Variants in SLC7A6 observed in about 807,000 individuals in gnomAD.
The protein encoded by SLC7A6 is Y+L amino acid transporter 2.
In SLC7A6, 29 loss-of-function variants were observed where a neutral mutation model predicts 46.6. The observed-to-expected ratio is 0.62, with a 90% CI of 0.46 to 0.85. SLC7A6 has a LOEUF of 0.85. Among genes scored for constraint, SLC7A6 ranks in the 40% least tolerant of loss-of-function variants. The pLI is 0.00. For synonymous variants in SLC7A6, 276 were observed against 257.3 expected (o/e 1.07, Z -0.70); for missense variants, 527 against 647.6 (o/e 0.81, Z 2.02).
intron 2 of SLC7A6, chr16:68,273,705 T>C (rs928954708): frequency 3.3e-5 from 5 of 151,880 alleles, no homozygotes; most frequent in Non-Finnish European, 5.9e-5. Flanking sequence ...AAAAGAAAGA[T>C]GTGGAATGGG....
At chr16:68,290,615 CCTT>C in intron 5 of SLC7A6, 75 bp downstream of exon 5, 1 of 1,537,520 alleles carries the variant, frequency 6.5e-7, no homozygotes, top group Non-Finnish European at 9.0e-7. Flanking sequence ...CTGCCCTCAT[CCTT>C]CTCCTCCTCC....
At chr16:68,287,215 T>C (rs1214183903) in intron 3 of SLC7A6, 2 of 773,004 alleles carry the variant, frequency 2.6e-6, no homozygotes, top group Admixed American at 3.1e-5. Flanking sequence ...TGGGCTCACA[T>C]GATCCATCTG....
intron 2 of SLC7A6, among the ~76,000 whole-genome samples, chr16:68,271,845 A>G (rs955319848): frequency 6.6e-6 from 1 of 151,768 alleles, no homozygotes; most frequent in African/African-American, 2.4e-5. Context: ...CTCTGTCACC[A>G]GACTGGAGTG....
chr16:68,267,080 G>A (rs962734906), intron 2 of SLC7A6, among the ~76,000 whole-genome samples: 4 of 151,806 alleles, frequency 2.6e-5, no homozygotes, highest in East Asian at 3.9e-4. Flanking sequence ...GATTACAGGC[G>A]CCCGCCACCA....
chr16:68,290,287 C>T (rs2151228342), intron 4 of SLC7A6, 109 bp from the exon 5 acceptor site: 9 of 1,153,990 alleles, frequency 7.8e-6, no homozygotes, highest in South Asian at 3.7e-5. Flanking sequence ...TTCCCTTCCT[C>T]TTTCCTATTC....
At chr16:68,278,450 G>T (rs1191197005) in intron 3 of SLC7A6, among the ~76,000 whole-genome samples, 5 of 150,670 alleles carry the variant, frequency 3.3e-5, no homozygotes, top group Admixed American at 6.6e-5. Flanking sequence ...GGACCCTGCG[G>T]CCTTTTTTTT....
intron 2 of SLC7A6, among the ~76,000 whole-genome samples, chr16:68,269,016 G>T (rs1402335409): frequency 1.3e-5 from 2 of 151,734 alleles, no homozygotes; most frequent in Non-Finnish European, 2.9e-5. Flanking sequence ...AAAAAAAAAA[G>T]AGCAAAAATA....
chr16:68,294,283 A>G (rs376276315), intron 7 of SLC7A6, among the ~76,000 whole-genome samples: 1 of 152,178 alleles, frequency 6.6e-6, no homozygotes, highest in East Asian at 1.9e-4. Flanking sequence ...CTTGCCTTAC[A>G]TCAGCTCAGG....
chr16:68,275,464 G>A (rs1013320736), intron 3 of SLC7A6, among the ~76,000 whole-genome samples: 4 of 151,780 alleles, frequency 2.6e-5, no homozygotes, highest in African/African-American at 9.7e-5. Context: ...GCGTGGTGGT[G>A]CATGCCTGTA....
At position 68,301,491 on chromosome 16, in the gene SLC7A6, TTTG is replaced by T; in HGVS notation, c.*4166_*4168del. 1 of 1,212,074 alleles carries T rather than the reference TTTG, an allele frequency of 8.3e-7. No homozygotes were observed. Among genetic ancestry groups the T allele is most frequent in the Non-Finnish European group, 1.2e-6 (1 of 865,904 alleles). 75.1% of individuals were successfully genotyped at this position (1,212,074 alleles called of 1,614,324 possible). A position where few individuals can be genotyped will look rare whatever the true frequency, so the allele number is the denominator to read the frequency against. On this transcript the variant is annotated 3_prime_UTR_variant, in exon 11 of 11. Coordinates refer to ENST00000219343, the MANE Select transcript of SLC7A6 (RefSeq NM_003983.6). ...CCTTCTCTTCTCAGAAAGGTCTGTT[TTTG>T]TTCCCGATTGTAATGCAAAATCCTT... is the stretch of plus-strand genomic sequence containing the variant.
chr16:68,299,456 CCT>C lies in SLC7A6; in HGVS notation c.*2133_*2134del, dbSNP rs1358642714. On this transcript the variant is annotated 3_prime_UTR_variant, in exon 11 of 11. Transcript: ENST00000219343. Reference sequence around the variant, plus strand: ...GCTGGATACAGACTTCTCCCAGGATCCTCTCTTTGGGAGCGAAGCCAGAGGAT... The same window carrying C: ...GCTGGATACAGACTTCTCCCAGGATCCTCTTTGGGAGCGAAGCCAGAGGAT... 1 of 152,624 alleles carries C rather than the reference CCT, an allele frequency of 6.6e-6. No individual in the cohort carries two copies. Among genetic ancestry groups the C allele is most frequent in the African/African-American group, 2.4e-5 (1 of 41,438 alleles). The allele number at this position is 152,624 out of a possible 1,614,324, so 9.5% of individuals were successfully genotyped here.
At chr16:68,278,717 C>T (rs2042766454) in intron 3 of SLC7A6, among the ~76,000 whole-genome samples, 1 of 152,232 alleles carries the variant, frequency 6.6e-6, no homozygotes, top group Non-Finnish European at 1.5e-5. Context: ...CTTCTTTCTA[C>T]ACAGACATAG....
Position 68,291,342 on chromosome 16 carries a change from T to C in SLC7A6, c.918+10T>C. On this transcript the variant is annotated intron_variant, in intron 6 of 10. Coordinates refer to ENST00000219343, the MANE Select transcript of SLC7A6 (RefSeq NM_003983.6). ...TGATGCTGTGGCTGTGGTGAGTCTC[T>C]TGGGATCCCCATTTGTTCATCATCT... The C allele has an allele frequency of 6.2e-7, 1 of 1,613,748 alleles. No individual in the cohort carries two copies. The highest frequency in any genetic ancestry group is 8.5e-7 in the Non-Finnish European group (1 of 1,179,744).
intron 7 of SLC7A6, 143 bp downstream of exon 7, chr16:68,291,804 G>C: frequency 5.2e-6 from 2 of 387,646 alleles, no homozygotes; most frequent in South Asian, 6.4e-5. Flanking sequence ...TGTGTGTTTG[G>C]TATGTGGGCA....
At chr16:68,269,008 A>G (rs542268329) in intron 2 of SLC7A6, among the ~76,000 whole-genome samples, 117 of 152,310 alleles carry the variant, frequency 7.7e-4, no homozygotes, top group African/African-American at 2.7e-3. Flanking sequence ...TCCGTCTAAA[A>G]AAAAAAAGAG....
Position 68,291,635 on chromosome 16 carries a change from C to G in SLC7A6, c.996C>G (p.Leu332=). 6.2e-7 allele frequency: 1 copy of G among 1,614,128 alleles called. No homozygotes were observed. Among genetic ancestry groups the G allele is most frequent in the South Asian group, 1.1e-5 (1 of 91,076 alleles). Residue 332 remains leucine (L), a synonymous_variant, in exon 7 of 11, where the codon CTC becomes CTG. Transcript: ENST00000219343. ...IAVALSCFGG[L]NASIFASSRL... is the part of the protein sequence containing the mutation. Reference sequence around the variant, plus strand: ...TTGCCCTGTCCTGCTTTGGGGGCCTCAATGCATCCATCTTTGCTTCATCAA... The same window carrying G: ...TTGCCCTGTCCTGCTTTGGGGGCCTGAATGCATCCATCTTTGCTTCATCAA...
chr16:68,300,544 G>A lies in SLC7A6; in HGVS notation c.*3216G>A, dbSNP rs1322740422. ...GTCCTTGGTATTTATAATCAATGCT[G>A]AACCTTCTATTTCACTACCGCTCCC... On this transcript the variant is annotated 3_prime_UTR_variant, in exon 11 of 11. Coordinates refer to ENST00000219343, the MANE Select transcript of SLC7A6 (RefSeq NM_003983.6). 12 of 887,570 alleles carry A rather than the reference G, an allele frequency of 1.4e-5. No individual in the cohort carries two copies. The highest frequency in any genetic ancestry group is 1.6e-5 in the Non-Finnish European group (12 of 740,748). The allele number at this position is 887,570 out of a possible 1,614,324, so 55.0% of individuals were successfully genotyped here. A position where few individuals can be genotyped will look rare whatever the true frequency, so the allele number is the denominator to read the frequency against.
At chr16:68,288,777 A>G (rs2042988110) in intron 4 of SLC7A6, among the ~76,000 whole-genome samples, 1 of 152,022 alleles carries the variant, frequency 6.6e-6, no homozygotes, top group Non-Finnish European at 1.5e-5. Context: ...CAGCCTGACC[A>G]ACATAGAGAA....
Position 68,275,455 on chromosome 16 carries a change from C to T in SLC7A6, c.523+206C>T, listed in dbSNP as rs572852865. ...TACTGAAAAAACAAATATAGCTGGG[C>T]GTGGTGGTGCATGCCTGTAATCCCA... On this transcript the variant is annotated intron_variant, in intron 3 of 10. Transcript: ENST00000219343. 5.3e-5 allele frequency among the ~76,000 whole-genome samples: 8 copies of T among 151,898 alleles called. No individual in the cohort carries two copies. The South Asian group carries it at 6.2e-4, about 12-fold the overall frequency.
Sources: allele counts gnomAD v4.1 joint callset (sites outside exome capture counted in the v4.1 genomes callset), GRCh38; gene constraint gnomAD v4.1.1; transcripts MANE v1.5; gene names NCBI Gene and HGNC (gene_info 2026-07-23, HGNC 2026-07-21).